The following MGAT5B variants were observed in gnomAD, a reference collection of about 807,000 sequenced individuals.
The protein encoded by MGAT5B is N-acetylglucosaminyl-transferase Vb.
MGAT5B carries 54 observed loss-of-function variants against 95.1 expected under a neutral mutation model. That is an observed-to-expected ratio of 0.57 (90% confidence interval 0.46 to 0.71). MGAT5B has a LOEUF of 0.71. Ranked by LOEUF, MGAT5B falls within the 30% of genes least tolerant of loss-of-function variation. The pLI is 0.00. For missense variants in MGAT5B, 935 were observed against 1,088.6 expected (o/e 0.86, Z 1.99); for synonymous variants, 464 against 451.0 (o/e 1.03, Z -0.36).
intron 8 of MGAT5B, among the ~76,000 whole-genome samples, chr17:76,913,093 G>A (rs541269760): frequency 7.2e-4 from 110 of 152,350 alleles, no homozygotes; most frequent in African/African-American, 2.6e-3. Context: ...CTTGAGAGGA[G>A]AATGTTTAAG....
At chr17:76,937,138 C>G (rs1219892973) in intron 12 of MGAT5B, among the ~76,000 whole-genome samples, 1 of 152,016 alleles carries the variant, frequency 6.6e-6, no homozygotes, top group African/African-American at 2.4e-5. Context: ...CCCTAGCAAT[C>G]TCGGATCACC....
intron 8 of MGAT5B, among the ~76,000 whole-genome samples, chr17:76,919,611 G>C (rs1181277765): frequency 6.6e-6 from 1 of 151,996 alleles, no homozygotes; most frequent in Non-Finnish European, 1.5e-5. Context: ...TTGTATTTTT[G>C]GTAGAGATGG....
Position 76,930,313 on chromosome 17 carries a change from G to A in MGAT5B, c.1292-2332G>A, listed in dbSNP as rs1038806398. On this transcript the variant is annotated intron_variant, in intron 10 of 17. Transcript: ENST00000569840. This position sits in a 1 kb window ranked among gnomAD's most constrained non-coding sequence, Gnocchi z 4.1. The stretch of plus-strand genomic sequence containing the variant: ...ACGTCTTGTGGGCCTTGAGGGGTGG[G>A]TGGGAATACTACAGTAGATTTACAC... Among the ~76,000 whole-genome samples the A allele has an allele frequency of 4.6e-5, 7 of 151,910 alleles. No individual in the cohort carries two copies. Among genetic ancestry groups the A allele is most frequent in the Admixed American group, 3.9e-4 (6 of 15,230 alleles).
At chr17:76,876,056 A>G (rs1215726574) in intron 2 of MGAT5B, among the ~76,000 whole-genome samples, 4 of 152,148 alleles carry the variant, frequency 2.6e-5, no homozygotes. Context: ...ATTGTCCTCC[A>G]TGATTTCTTT....
chr17:76,947,965 C>A lies in MGAT5B; in HGVS notation c.2059C>A (p.His687Asn). The change falls in exon 17 of 18, where the codon CAC becomes AAC. Residue 687 changes from histidine (H) to asparagine (N), a missense_variant. Physicochemically the swap from His to Asn is moderately conservative, Grantham distance 68. Coordinates refer to ENST00000569840, the MANE Select transcript of MGAT5B (RefSeq NM_001199172.2). ...GGCTCCTGGGGCCTGGCCCCCCGCG[C>A]ACGCCCTGCGGGCCTGGCTGGCCGT... ...SLAPGAWPPA[H>N]ALRAWLAVPG... The A allele has an allele frequency of 6.2e-7, 1 of 1,612,376 alleles. No homozygotes were observed. The highest frequency in any genetic ancestry group is 1.1e-5 in the South Asian group (1 of 90,868).
intron 3 of MGAT5B, among the ~76,000 whole-genome samples, chr17:76,888,684 G>A (rs978842553): frequency 1.3e-5 from 2 of 152,186 alleles, no homozygotes; most frequent in Admixed American, 6.5e-5. Context: ...GGGGCAGGGA[G>A]GAAGGGGCTG....
At chr17:76,943,329 A>G (rs905241424) in intron 15 of MGAT5B, among the ~76,000 whole-genome samples, 15 of 152,264 alleles carry the variant, frequency 9.9e-5, no homozygotes, top group African/African-American at 3.4e-4. Flanking sequence ...CCCCAAACCA[A>G]CGGAGGCCCC....
In MGAT5B at chr17:76,926,686, G is replaced by A; in HGVS notation, c.1247G>A (p.Trp416Ter). 1.2e-6 allele frequency: 2 copies of A among 1,612,756 alleles called. No homozygotes were observed. The highest frequency in any genetic ancestry group is 1.3e-5 in the African/African-American group (1 of 75,052). Residue 416 changes from tryptophan (W) to a stop codon, truncating the protein, a stop_gained, in exon 10 of 18, where the codon TGG becomes TAG. Transcript: ENST00000569840. LOFTEE classifies it high-confidence loss of function. The stretch of plus-strand genomic sequence containing the variant: ...ACGCTGCACGGCTACCGGACCAACT[G>A]GGGCTACTGGAACCTCAACCCCAAG... ...YATLHGYRTN[W>*]GYWNLNPKQF...
In MGAT5B at chr17:76,905,948, G is replaced by T; in HGVS notation, c.856-70G>T. ...TCTGCTGCCGGCTGGTCTCCTGGCCGGTGCCCCGGGGGGGCGGGGCTCAGA... is the reference window on the plus strand; with the variant it reads ...TCTGCTGCCGGCTGGTCTCCTGGCCTGTGCCCCGGGGGGGCGGGGCTCAGA... On this transcript the variant is annotated intron_variant, in intron 7 of 17. Coordinates refer to ENST00000569840, the MANE Select transcript of MGAT5B (RefSeq NM_001199172.2). The surrounding 1 kb of genome is among the most constrained non-coding windows in gnomAD (Gnocchi z 4.2). 3 of 1,478,498 alleles carry T rather than the reference G, an allele frequency of 2.0e-6. No homozygotes were observed. The highest frequency in any genetic ancestry group is 2.4e-5 in the Admixed American group (1 of 41,946). 91.6% of individuals were successfully genotyped at this position (1,478,498 alleles called of 1,614,324 possible).
In MGAT5B at chr17:76,915,358, C is replaced by T. The variant is rs894861614; in HGVS notation, c.1025+9171C>T. ...GGGGCCTGGGCTGGGGGCCGGGGAT[C>T]GGGCACTCCTCTCTGACGGTTTCTA... On this transcript the variant is annotated intron_variant, in intron 8 of 17. Transcript: ENST00000569840. The surrounding 1 kb of genome is among the most constrained non-coding windows in gnomAD (Gnocchi z 8.7). Among the ~76,000 whole-genome samples the T allele has an allele frequency of 3.5e-4, 53 of 151,980 alleles. No homozygotes were observed. The highest frequency in any genetic ancestry group is 5.6e-4 in the African/African-American group (23 of 41,380).
intron 2 of MGAT5B, among the ~76,000 whole-genome samples, chr17:76,874,738 G>T (rs1444715751): frequency 6.6e-6 from 1 of 152,104 alleles, no homozygotes; most frequent in Admixed American, 6.5e-5. Flanking sequence ...TGCCCCATCT[G>T]GGCAGGATCA....
intron 8 of MGAT5B, among the ~76,000 whole-genome samples, chr17:76,908,902 G>T (rs1349459231): frequency 6.6e-6 from 1 of 151,560 alleles, no homozygotes; most frequent in Non-Finnish European, 1.5e-5. Context: ...TGCCTCCCGG[G>T]TTCAAGCAAT....
Position 76,918,440 on chromosome 17 carries a change from A to G in MGAT5B, c.1026-6526A>G, listed in dbSNP as rs67207224. Among the ~76,000 whole-genome samples the G allele has an allele frequency of 0.38, 56,924 of 151,790 alleles. 12,141 individuals are homozygous for G. Among genetic ancestry groups the G allele is most frequent in the East Asian group, 0.7 (3,578 of 5,140 alleles). On this transcript the variant is annotated intron_variant, in intron 8 of 17. Transcript: ENST00000569840. This position sits in a 1 kb window ranked among gnomAD's most constrained non-coding sequence, Gnocchi z 5.1. ...AGCTGAGGGCAGGGCCATCCCAGTG[A>G]CTGCGTAAAGCAACTCTGGGCTGCT...
intron 6 of MGAT5B, 91 bp downstream of exon 6, chr17:76,904,513 G>A (rs909850772): frequency 8.7e-6 from 12 of 1,375,826 alleles, no homozygotes; most frequent in Admixed American, 2.2e-5. Flanking sequence ...CTGAGGGAAT[G>A]AGACTGAGCT....
In MGAT5B at chr17:76,946,369, C is replaced by T. The variant is rs560229341; in HGVS notation, c.1849-7C>T. The stretch of plus-strand genomic sequence containing the variant: ...CCGCCCCATGTGTCTGCCCATCCCT[C>T]CCACAGGTAGACCCCTACCTACCCT... On this transcript the variant is annotated splice_region_variant and splice_polypyrimidine_tract_variant and intron_variant, in intron 15 of 17. Transcript: ENST00000569840. 7.5e-6 allele frequency: 12 copies of T among 1,605,458 alleles called. No individual in the cohort carries two copies. In the South Asian group the frequency reaches 1.1e-4, roughly 15 times the overall value.
intron 8 of MGAT5B, among the ~76,000 whole-genome samples, chr17:76,923,163 G>A (rs1036190471): frequency 1.3e-5 from 2 of 152,196 alleles, no homozygotes; most frequent in Non-Finnish European, 2.9e-5. Flanking sequence ...CTGAGCATGC[G>A]CAAAGCGAGC....
At position 76,869,145 on chromosome 17, in the gene MGAT5B, G is replaced by A; in HGVS notation, c.68+48G>A. On this transcript the variant is annotated intron_variant, in intron 1 of 17. Coordinates refer to ENST00000569840, the MANE Select transcript of MGAT5B (RefSeq NM_001199172.2). This position sits in a 1 kb window ranked among gnomAD's most constrained non-coding sequence, Gnocchi z 7.0. The stretch of plus-strand genomic sequence containing the variant: ...TTTTTCCCCAGGGGGGCGCCGGGTG[G>A]AGGTGGGCGAGGTCGGTTCCTGCGA... 6.5e-7 allele frequency: 1 copy of A among 1,534,694 alleles called. No homozygotes were observed.
intron 9 of MGAT5B, 110 bp downstream of exon 9, chr17:76,925,207 G>A (rs980740368): frequency 3.8e-6 from 5 of 1,320,390 alleles, no homozygotes; most frequent in African/African-American, 1.7e-5. Context: ...CCAGGTGGGA[G>A]AACATACTGT....
At position 76,918,231 on chromosome 17, in the gene MGAT5B, A is replaced by C. The variant is rs1969008610; in HGVS notation, c.1026-6735A>C. Among the ~76,000 whole-genome samples the C allele has an allele frequency of 6.7e-6, 1 of 150,116 alleles. No homozygotes were observed. Among genetic ancestry groups the C allele is most frequent in the African/African-American group, 2.5e-5 (1 of 40,796 alleles). The stretch of plus-strand genomic sequence containing the variant: ...GTACCGCACCCCCACCCCCGCACCC[A>C]TGCTTTGTGGTAGCTTCGGCTAAAG... On this transcript the variant is annotated intron_variant, in intron 8 of 17. Transcript: ENST00000569840. The surrounding 1 kb of genome is among the most constrained non-coding windows in gnomAD (Gnocchi z 5.1).
Sources: gnomAD v4.1 joint callset for allele counts (sites outside exome capture counted in the v4.1 genomes callset) on GRCh38, gnomAD v4.1.1 for gene constraint, Gnocchi (gnomAD v3.1) non-coding constraint, MANE v1.5 for transcripts, NCBI Gene and HGNC (gene_info 2026-07-23, HGNC 2026-07-21) for gene names.